GPCPD1: variants seen among roughly 807,000 people sequenced by gnomAD.
GPCPD1 encodes glycerophosphocholine phosphodiesterase 1, also known as glycerophosphocholine phosphodiesterase GPCPD1.
In GPCPD1, 29 loss-of-function variants were observed where a neutral mutation model predicts 89.2. The ratio of observed to expected loss-of-function variants is 0.33; its 90% CI spans 0.24 to 0.44. The LOEUF (loss-of-function observed/expected upper bound fraction) is 0.44, where lower values mean the gene tolerates loss of function less well. Among genes scored for constraint, GPCPD1 ranks in the 20% least tolerant of loss-of-function variants. The probability of loss-of-function intolerance (pLI) is 1.00; values close to 1 mark genes in which losing one functional copy is unlikely to be tolerated. For missense variants in GPCPD1, 594 were observed against 808.9 expected (o/e 0.73, Z 3.22); for synonymous variants, 258 against 266.3 (o/e 0.97, Z 0.30).
intron 5 of GPCPD1, chr20:5,585,068 T>C (rs1978820586): frequency 6.6e-6 from 1 of 152,194 alleles, no homozygotes; most frequent in Non-Finnish European, 1.5e-5. Flanking sequence ...GTTATATTTC[T>C]CAAAAGTATA....
chr20:5,592,705 G>A (rs1035150476), intron 4 of GPCPD1, among the ~76,000 whole-genome samples: 1 of 152,124 alleles, frequency 6.6e-6, no homozygotes, highest in South Asian at 2.1e-4. Flanking sequence ...CAGCAAATAA[G>A]TATCTTTAGA....
chr20:5,571,230 G>A (rs572700607), intron 11 of GPCPD1, among the ~76,000 whole-genome samples: 5 of 152,242 alleles, frequency 3.3e-5, no homozygotes, highest in East Asian at 3.9e-4. Flanking sequence ...CTTCCGAAGC[G>A]GGAAACTTAG....
At chr20:5,551,535 C>T (rs578165338) in intron 19 of GPCPD1, among the ~76,000 whole-genome samples, 5 of 152,104 alleles carry the variant, frequency 3.3e-5, no homozygotes, top group African/African-American at 7.2e-5. Flanking sequence ...AACAAGACCA[C>T]GAAAAGGAGT....
intron 19 of GPCPD1, chr20:5,549,488 A>T: frequency 8.4e-7 from 1 of 1,184,464 alleles, no homozygotes; most frequent in Non-Finnish European, 1.2e-6. Context: ...TTAAGAAGAC[A>T]CCTTCTGAGT....
At chr20:5,555,810 T>C (rs1234365351) in intron 19 of GPCPD1, among the ~76,000 whole-genome samples, 1 of 152,164 alleles carries the variant, frequency 6.6e-6, no homozygotes, top group Non-Finnish European at 1.5e-5. Flanking sequence ...GCCAAGATCA[T>C]GCCATTGCAC....
At chr20:5,573,805 G>A in intron 11 of GPCPD1, 110 bp downstream of exon 11, 2 of 769,736 alleles carry the variant, frequency 2.6e-6, no homozygotes, top group Non-Finnish European at 4.7e-6. Context: ...CCATGGATCT[G>A]AATATAAATG....
chr20:5,580,168 C>T (rs1978357165), intron 6 of GPCPD1, 37 bp from the exon 7 acceptor site: 1 of 1,193,120 alleles, frequency 8.4e-7, no homozygotes. Context: ...AATTATTATA[C>T]ATGTTTTTTT....
chr20:5,580,098 G>C lies in GPCPD1; in HGVS notation c.383C>G (p.Thr128Arg). ...GVETLDSGWL[T>R]CQTEIRLRLH... ...ACGTAATCTTATTTCAGTCTGACATGTCAGCCATCCAGAATCCAGAGTTTC... is the reference window on the plus strand; with the variant it reads ...ACGTAATCTTATTTCAGTCTGACATCTCAGCCATCCAGAATCCAGAGTTTC... The change falls in exon 7 of 20, where the codon ACA (threonine) becomes AGA (arginine). Residue 128 changes from threonine to arginine, a missense_variant. Physicochemically the swap from Thr to Arg is moderately conservative, Grantham distance 71 (BLOSUM62 -1). Transcript: ENST00000379019. 2 of 1,498,824 alleles carry C rather than the reference G, an allele frequency of 1.3e-6. No individual in the cohort carries two copies. Among genetic ancestry groups the C allele is most frequent in the Non-Finnish European group, 1.9e-6 (2 of 1,076,010 alleles). The allele number at this position is 1,498,824 out of a possible 1,614,324, so 92.8% of individuals were successfully genotyped here.
At chr20:5,587,906 T>A (rs1247214185) in intron 4 of GPCPD1, among the ~76,000 whole-genome samples, 1 of 152,178 alleles carries the variant, frequency 6.6e-6, no homozygotes, top group Admixed American at 6.5e-5. Flanking sequence ...TCCTCAAACT[T>A]CTGAAGTTTA....
Position 5,578,367 on chromosome 20 carries a change from A to C in GPCPD1, c.705+13T>G, listed in dbSNP as rs777831052. The C allele has an allele frequency of 1.3e-5, 18 of 1,415,572 alleles. No individual in the cohort carries two copies. Among genetic ancestry groups the C allele is most frequent in the Non-Finnish European group, 1.8e-5 (18 of 998,432 alleles). The allele number at this position is 1,415,572 out of a possible 1,614,324, so 87.7% of individuals were successfully genotyped here. On this transcript the variant is annotated intron_variant, in intron 8 of 19. Coordinates refer to ENST00000379019, the MANE Select transcript of GPCPD1 (RefSeq NM_019593.5). ...CATTCTTTCTCAATCCCCTCACTGCAGTAACTACTCACTTCGAAAAAATCA... is the reference window on the plus strand; with the variant it reads ...CATTCTTTCTCAATCCCCTCACTGCCGTAACTACTCACTTCGAAAAAATCA...
chr20:5,588,365 T>C (rs747591190), intron 4 of GPCPD1, among the ~76,000 whole-genome samples: 111 of 146,726 alleles, frequency 7.6e-4, no homozygotes, highest in Non-Finnish European at 1.1e-3. Context: ...ATTAGCTAGG[T>C]GTGGTGGCAC....
At chr20:5,586,020 C>A in intron 5 of GPCPD1, 174 bp downstream of exon 5, 1 of 429,582 alleles carries the variant, frequency 2.3e-6, no homozygotes, top group Non-Finnish European at 4.2e-6. Flanking sequence ...TTTTAAGAGG[C>A]AATTAAAAAC....
At chr20:5,549,737 A>T (rs561896653) in intron 19 of GPCPD1, among the ~76,000 whole-genome samples, 1 of 137,272 alleles carries the variant, frequency 7.3e-6, no homozygotes, top group African/African-American at 2.9e-5. Flanking sequence ...AGAGTGAGAG[A>T]GAACCTGCCT....
At chr20:5,609,664 T>C (rs556568939) in intron 1 of GPCPD1, among the ~76,000 whole-genome samples, 3 of 152,288 alleles carry the variant, frequency 2.0e-5, no homozygotes, top group South Asian at 2.1e-4. Flanking sequence ...TTTTCTTTTG[T>C]GGTCATTATT....
At chr20:5,585,490 G>C (rs1978849484) in intron 5 of GPCPD1, 1 of 151,952 alleles carries the variant, frequency 6.6e-6, no homozygotes, top group South Asian at 2.1e-4. Context: ...GTAATTTAAT[G>C]TATGTGAAGT....
intron 19 of GPCPD1, among the ~76,000 whole-genome samples, chr20:5,552,750 A>G (rs2080009275): frequency 6.6e-6 from 1 of 152,242 alleles, no homozygotes; most frequent in Non-Finnish European, 1.5e-5. Context: ...GCAGGTAGGT[A>G]GGATTTACTT....
At chr20:5,588,504 C>CA (rs1401090904) in intron 4 of GPCPD1, among the ~76,000 whole-genome samples, 2 of 149,340 alleles carry the variant, frequency 1.3e-5, no homozygotes, top group East Asian at 2.0e-4. Context: ...GACTCCTTCT[C>CA]AAAAAAAAGT....
rs142292927 is a variant in GPCPD1 at position 5,562,439 on chromosome 20, C to T, written c.1330-909G>A. Among the ~76,000 whole-genome samples the T allele has an allele frequency of 3.5e-3, 536 of 152,240 alleles. 3 individuals are homozygous for T. The highest frequency in any genetic ancestry group is 0.011 in the African/African-American group (477 of 41,534). On this transcript the variant is annotated intron_variant, in intron 15 of 19. Coordinates refer to ENST00000379019, the MANE Select transcript of GPCPD1 (RefSeq NM_019593.5). ...CTGGGATTACAGGTGCCTGCCACCACGCCTGGCTAATTTTTTGTATTTTAG... is the reference window on the plus strand; with the variant it reads ...CTGGGATTACAGGTGCCTGCCACCATGCCTGGCTAATTTTTTGTATTTTAG...
chr20:5,561,471 C>A lies in GPCPD1; in HGVS notation c.1389G>T (p.Gln463His). 1.3e-6 allele frequency: 2 copies of A among 1,561,608 alleles called. No homozygotes were observed. Among genetic ancestry groups the A allele is most frequent in the Non-Finnish European group, 8.8e-7 (1 of 1,133,392 alleles). Residue 463 changes from glutamine (Q) to histidine (H), a missense_variant, in exon 16 of 20, where the codon CAG becomes CAT. By Grantham distance (24) the Gln-to-His change is conservative. Transcript: ENST00000379019. ...GFNIEIKWIC[Q>H]QRDGMWDGNL... ...TGCATAGAGAATTACTTACCCTTTG[C>A]TGGCAGATCCATTTTATTTCAATGT...
Sources: gnomAD v4.1 joint callset for allele counts (sites outside exome capture counted in the v4.1 genomes callset) on GRCh38, gnomAD v4.1.1 for gene constraint, MANE v1.5 for transcripts, NCBI Gene and HGNC (gene_info 2026-07-23, HGNC 2026-07-21) for gene names.